Variants in EBF2 observed in about 807,000 individuals in gnomAD.
EBF2 encodes EBF transcription factor 2, also known as transcription factor COE2.
EBF2 carries 21 observed loss-of-function variants against 72.8 expected under a neutral mutation model. The ratio of observed to expected loss-of-function variants is 0.29; its 90% CI spans 0.20 to 0.42. The LOEUF (loss-of-function observed/expected upper bound fraction) is 0.42. Ranked by LOEUF, EBF2 falls within the 10% of genes least tolerant of loss-of-function variation. EBF2 has a pLI of 1.00. For synonymous variants in EBF2, 299 were observed against 274.2 expected, an observed-to-expected ratio of 1.09 and a Z score of -0.89; for missense variants, 637 against 731.2, an observed-to-expected ratio of 0.87 and a Z score of 1.49.
chr8:25,987,615 A>T (rs1403788134), intron 6 of EBF2, among the ~76,000 whole-genome samples: 1 of 152,250 alleles, frequency 6.6e-6, no homozygotes, highest in Non-Finnish European at 1.5e-5. Flanking sequence ...TCAGCTGAGG[A>T]AACTGAAGCA....
At chr8:26,037,090 G>C (rs1363258145) in intron 5 of EBF2, among the ~76,000 whole-genome samples, 1 of 152,042 alleles carries the variant, frequency 6.6e-6, no homozygotes, top group African/African-American at 2.4e-5. Context: ...CTTATTTGGA[G>C]AATCTTTTAC....
chr8:26,022,782 C>T (rs1271532913), intron 6 of EBF2, among the ~76,000 whole-genome samples: 1 of 152,132 alleles, frequency 6.6e-6, no homozygotes, highest in African/African-American at 2.4e-5. Context: ...TGGAGGACAA[C>T]CATTTCATCA....
chr8:25,947,446 G>A (rs1803789715), intron 6 of EBF2, among the ~76,000 whole-genome samples: 1 of 152,178 alleles, frequency 6.6e-6, no homozygotes, highest in South Asian at 2.1e-4. Flanking sequence ...AGCAGTGTGA[G>A]AACAGACTAA....
At chr8:25,878,449 C>T (rs915445315) in intron 10 of EBF2, among the ~76,000 whole-genome samples, 1 of 152,152 alleles carries the variant, frequency 6.6e-6, no homozygotes, top group Non-Finnish European at 1.5e-5. Context: ...GGTGGAACAG[C>T]CCATCAGCAG....
intron 6 of EBF2, among the ~76,000 whole-genome samples, chr8:25,944,593 C>G (rs1414413020): frequency 1.4e-5 from 2 of 147,904 alleles, no homozygotes; most frequent in Non-Finnish European, 3.0e-5. Flanking sequence ...AATATTAATA[C>G]AGTCTATAAA....
chr8:25,935,660 C>T (rs1803567906), intron 6 of EBF2, among the ~76,000 whole-genome samples: 1 of 152,208 alleles, frequency 6.6e-6, no homozygotes, highest in Admixed American at 6.5e-5. Context: ...TTGCCACTTG[C>T]ATATGCACCA....
intron 7 of EBF2, among the ~76,000 whole-genome samples, chr8:25,904,858 T>C (rs1230275529): frequency 6.6e-6 from 1 of 152,192 alleles, no homozygotes; most frequent in African/African-American, 2.4e-5. Flanking sequence ...AGTATAAAAA[T>C]TGCCAATTCT....
intron 6 of EBF2, among the ~76,000 whole-genome samples, chr8:25,947,051 GT>G (rs1235866029): frequency 6.6e-6 from 1 of 152,088 alleles, no homozygotes; most frequent in Non-Finnish European, 1.5e-5. Context: ...TGGTCCCCTA[GT>G]TTTTTTGTCC....
At chr8:26,042,720 CT>C in intron 1 of EBF2, among the ~76,000 whole-genome samples, 1 of 152,282 alleles carries the variant, frequency 6.6e-6, no homozygotes, top group South Asian at 2.1e-4. Flanking sequence ...AGAAGCGACC[CT>C]TTTATTTAGT....
intron 10 of EBF2, among the ~76,000 whole-genome samples, chr8:25,866,570 T>TTA (rs199819157): frequency 0.14 from 19,391 of 141,158 alleles, 1,630 homozygotes; most frequent in African/African-American, 0.21. Flanking sequence ...ATTATATAAT[T>TTA]TATATATATA....
chr8:25,894,023 T>C (rs528051550), intron 7 of EBF2, among the ~76,000 whole-genome samples: 1 of 152,328 alleles, frequency 6.6e-6, no homozygotes, highest in East Asian at 1.9e-4. Flanking sequence ...TGTGTACGTA[T>C]AGATATGAGG....
chr8:25,872,773 G>A (rs1257596842), intron 10 of EBF2, among the ~76,000 whole-genome samples: 1 of 152,180 alleles, frequency 6.6e-6, no homozygotes, highest in Non-Finnish European at 1.5e-5. Flanking sequence ...GACAGACACT[G>A]ACTGGCAATG....
At chr8:25,873,000 C>A (rs142956219) in intron 10 of EBF2, among the ~76,000 whole-genome samples, 8 of 152,226 alleles carry the variant, frequency 5.3e-5, no homozygotes, top group African/African-American at 1.9e-4. Context: ...CAAAGTCTGT[C>A]TTCCATGTGC....
At chr8:25,934,580 G>A (rs1803542133) in intron 6 of EBF2, among the ~76,000 whole-genome samples, 1 of 152,128 alleles carries the variant, frequency 6.6e-6, no homozygotes, top group Non-Finnish European at 1.5e-5. Context: ...ATCACAAGTC[G>A]AGTTTACTGC....
Position 25,861,379 on chromosome 8 carries a change from A to AAAAT in EBF2, c.1099-9_1099-6dup, listed in dbSNP as rs762886084. 1.2e-6 allele frequency: 2 copies of AAAAT among 1,614,214 alleles called. No individual in the cohort carries two copies. The highest frequency in any genetic ancestry group is 2.2e-5 in the South Asian group (2 of 91,082). On this transcript the variant is annotated splice_polypyrimidine_tract_variant and splice_region_variant and intron_variant, in intron 11 of 15. Coordinates refer to ENST00000520164, the MANE Select transcript of EBF2 (RefSeq NM_022659.4). The stretch of plus-strand genomic sequence containing the variant: ...AGCTCTTTTCAACAGCATCTCCTGG[A>AAAAT]AAATAAGCGAGGATGGGATATTGTC...
intron 6 of EBF2, among the ~76,000 whole-genome samples, chr8:25,927,258 T>A (rs1458396888): frequency 6.6e-6 from 1 of 151,906 alleles, no homozygotes; most frequent in Non-Finnish European, 1.5e-5. Flanking sequence ...AGACTTGCCA[T>A]CTCCCACCCC....
At chr8:25,893,736 C>T (rs965355132) in intron 7 of EBF2, among the ~76,000 whole-genome samples, 3 of 152,174 alleles carry the variant, frequency 2.0e-5, no homozygotes, top group African/African-American at 7.2e-5. Context: ...CCACACATTC[C>T]TGCCACAAAA....
chr8:25,894,183 T>C (rs954009860), intron 7 of EBF2, among the ~76,000 whole-genome samples: 1 of 152,230 alleles, frequency 6.6e-6, no homozygotes, highest in Non-Finnish European at 1.5e-5. Context: ...TTTCTATACA[T>C]AGAGACACAC....
At chr8:25,973,042 A>T (rs963347360) in intron 6 of EBF2, among the ~76,000 whole-genome samples, 3 of 151,412 alleles carry the variant, frequency 2.0e-5, no homozygotes, top group African/African-American at 7.3e-5. Context: ...TGGACTGCAC[A>T]TTTTTGTATT....
Sources: allele counts gnomAD v4.1 joint callset (sites outside exome capture counted in the v4.1 genomes callset), GRCh38; gene constraint gnomAD v4.1.1; transcripts MANE v1.5; gene names NCBI Gene and HGNC (gene_info 2026-07-23, HGNC 2026-07-21).